The following CSNK1G3 variants were observed in gnomAD, a reference collection of about 807,000 sequenced individuals.
The protein encoded by CSNK1G3 is casein kinase 1 gamma 3.
A neutral mutation model predicts 64.3 loss-of-function variants in CSNK1G3; 23 were observed. The ratio of observed to expected loss-of-function variants is 0.36; its 90% confidence interval spans 0.26 to 0.51. The LOEUF is 0.51. Ranked by LOEUF, CSNK1G3 falls within the 20% of genes least tolerant of loss-of-function variation. The probability of loss-of-function intolerance (pLI) is 0.96; values close to 1 mark genes in which losing one functional copy is unlikely to be tolerated. For missense variants in CSNK1G3, 357 were observed against 510.5 expected, an observed-to-expected ratio of 0.70 and a Z score of 2.90; for synonymous variants, 158 against 162.2, an observed-to-expected ratio of 0.97 and a Z score of 0.20.
intron 11 of CSNK1G3, among the ~76,000 whole-genome samples, chr5:123,605,061 G>T (rs1795113033): frequency 6.6e-6 from 1 of 151,904 alleles, no homozygotes; most frequent in Non-Finnish European, 1.5e-5. Flanking sequence ...ATTCTTATTT[G>T]GAATTAACAA....
chr5:123,590,417 G>T, exon 9 of CSNK1G3: 1 of 1,426,982 alleles, frequency 7.0e-7, no homozygotes, highest in Non-Finnish European at 9.3e-7. Context: ...TAGAAGAAAT[G>T]GCAACATATC....
intron 1 of CSNK1G3, among the ~76,000 whole-genome samples, chr5:123,530,401 A>T (rs1406693599): frequency 1.3e-5 from 2 of 152,172 alleles, no homozygotes; most frequent in African/African-American, 2.4e-5. Context: ...GTATGTTTTG[A>T]TGATACTCCT....
At chr5:123,526,798 T>C (rs1779159740) in intron 1 of CSNK1G3, among the ~76,000 whole-genome samples, 1 of 151,762 alleles carries the variant, frequency 6.6e-6, no homozygotes, top group Non-Finnish European at 1.5e-5. Flanking sequence ...CTCACCACAT[T>C]TATCTATTTG....
chr5:123,556,692 T>A (rs1390893073), intron 3 of CSNK1G3, among the ~76,000 whole-genome samples: 1 of 152,022 alleles, frequency 6.6e-6, no homozygotes, highest in Non-Finnish European at 1.5e-5. Flanking sequence ...CCTGTTACAG[T>A]TTTCTACTTC....
intron 6 of CSNK1G3, among the ~76,000 whole-genome samples, chr5:123,580,054 G>A (rs1408038130): frequency 6.6e-6 from 1 of 151,960 alleles, no homozygotes; most frequent in Non-Finnish European, 1.5e-5. Context: ...AGAGTACTTG[G>A]TTTTGTGAGG....
intron 6 of CSNK1G3, among the ~76,000 whole-genome samples, chr5:123,587,131 G>T (rs1435927873): frequency 1.3e-5 from 2 of 152,154 alleles, no homozygotes; most frequent in African/African-American, 4.8e-5. Context: ...AACAAGTATA[G>T]AATGTTTACA....
chr5:123,559,219 G>A (rs1267570460), intron 4 of CSNK1G3, among the ~76,000 whole-genome samples: 1 of 150,038 alleles, frequency 6.7e-6, no homozygotes, highest in Non-Finnish European at 1.5e-5. Flanking sequence ...GGGAAATCGA[G>A]GTGTTATATA....
Position 123,595,227 on chromosome 5 carries a change from G to A in CSNK1G3, c.1086+3813G>A, listed in dbSNP as rs1793200919. 5.1e-6 allele frequency: 6 copies of A among 1,181,652 alleles called. No homozygotes were observed. The Admixed American group carries it at 1.1e-4, about 22-fold the overall frequency. The allele number at this position is 1,181,652 out of a possible 1,614,324, so 73.2% of individuals were successfully genotyped here. A position where few individuals can be genotyped will look rare whatever the true frequency, so the allele number is the denominator to read the frequency against. Reference sequence around the variant, plus strand: ...TCATGGCATGATTTCATATCTTAATGGAAAATTTGTTGCTGAACTACTCTA... The same window carrying A: ...TCATGGCATGATTTCATATCTTAATAGAAAATTTGTTGCTGAACTACTCTA... On this transcript the variant is annotated intron_variant, in intron 10 of 12. Coordinates refer to ENST00000345990, the Ensembl canonical transcript of CSNK1G3.
At chr5:123,522,831 A>G (rs560961640) in intron 1 of CSNK1G3, among the ~76,000 whole-genome samples, 1 of 152,244 alleles carries the variant, frequency 6.6e-6, no homozygotes, top group Admixed American at 6.5e-5. Context: ...TGAGGCCCCT[A>G]TATTCATTGC....
intron 3 of CSNK1G3, 73 bp from the exon 4 acceptor site, chr5:123,557,422 T>G: frequency 6.1e-6 from 7 of 1,150,496 alleles, no homozygotes; most frequent in Non-Finnish European, 8.9e-6. Context: ...ACACCAAAAT[T>G]TATAACATTT....
intron 6 of CSNK1G3, among the ~76,000 whole-genome samples, chr5:123,577,325 C>A (rs1245980845): frequency 6.6e-6 from 1 of 151,932 alleles, no homozygotes; most frequent in Non-Finnish European, 1.5e-5. Flanking sequence ...TACTGCCAGG[C>A]CCTTTCTGCA....
intron 4 of CSNK1G3, among the ~76,000 whole-genome samples, chr5:123,571,980 A>G (rs1788203995): frequency 6.6e-6 from 1 of 152,204 alleles, no homozygotes; most frequent in Admixed American, 6.5e-5. Flanking sequence ...TTTTAAAGGA[A>G]AAATGAGGAG....
At chr5:123,605,276 C>G in intron 11 of CSNK1G3, 63 bp from the exon 13 acceptor site, 2 of 1,381,880 alleles carry the variant, frequency 1.4e-6, no homozygotes, top group Admixed American at 4.0e-5. Context: ...TCAATGTGAG[C>G]TGTTTCTGAT....
chr5:123,552,903 T>C (rs1189313389), intron 2 of CSNK1G3: 5 of 340,916 alleles, frequency 1.5e-5, no homozygotes, highest in Non-Finnish European at 2.2e-5. Context: ...TGTATCACTT[T>C]CTACTCTGAA....
intron 6 of CSNK1G3, among the ~76,000 whole-genome samples, chr5:123,581,226 T>A (rs932565430): frequency 2.0e-5 from 3 of 151,602 alleles, no homozygotes; most frequent in Admixed American, 6.6e-5. Context: ...TAGTTTTTTT[T>A]ATATGATTAC....
intron 2 of CSNK1G3, among the ~76,000 whole-genome samples, chr5:123,549,576 G>C (rs922886347): frequency 6.6e-6 from 1 of 152,170 alleles, no homozygotes; most frequent in Non-Finnish European, 1.5e-5. Flanking sequence ...TTCAAACTAA[G>C]TAATCCTTTA....
chr5:123,598,280 A>T (rs1019985857), intron 10 of CSNK1G3, among the ~76,000 whole-genome samples: 4 of 152,154 alleles, frequency 2.6e-5, no homozygotes, highest in African/African-American at 9.7e-5. Flanking sequence ...TTTCTTGGCC[A>T]TTCATTACTC....
intron 4 of CSNK1G3, among the ~76,000 whole-genome samples, chr5:123,570,288 C>G (rs1159837141): frequency 6.6e-6 from 1 of 151,292 alleles, no homozygotes; most frequent in Non-Finnish European, 1.5e-5. Context: ...ACAACGTTAA[C>G]TATTGGGAAT....
At chr5:123,558,873 G>T (rs1309578325) in intron 4 of CSNK1G3, among the ~76,000 whole-genome samples, 2 of 152,112 alleles carry the variant, frequency 1.3e-5, no homozygotes, top group Non-Finnish European at 2.9e-5. Context: ...GAAATTCAAG[G>T]AAATGACTTG....
Sources: gnomAD v4.1 joint callset for allele counts (sites outside exome capture counted in the v4.1 genomes callset) on GRCh38, gnomAD v4.1.1 for gene constraint, MANE v1.5 for transcripts, NCBI Gene and HGNC (gene_info 2026-07-23, HGNC 2026-07-21) for gene names.